Variants in CDIN1 observed in about 807,000 individuals in gnomAD.
The protein encoded by CDIN1 is CDAN1 interacting nuclease 1.
A neutral mutation model predicts 45.3 loss-of-function variants in CDIN1; 33 were observed. That is an observed-to-expected ratio of 0.73 (90% confidence interval 0.55 to 0.97). CDIN1 has a LOEUF of 0.97. CDIN1 is among the 50% of genes least tolerant of loss of function. The pLI is 0.00. For synonymous variants in CDIN1, 118 were observed against 124.4 expected (o/e 0.95, Z 0.34); for missense variants, 303 against 339.4 (o/e 0.89, Z 0.84).
chr15:36,772,077 G>A (rs1244086847), intron 10 of CDIN1, among the ~76,000 whole-genome samples: 4 of 152,136 alleles, frequency 2.6e-5, no homozygotes, highest in Admixed American at 6.5e-5. Flanking sequence ...GATCCTCTTT[G>A]GTTCTTCTTT....
intron 10 of CDIN1, among the ~76,000 whole-genome samples, chr15:36,766,379 A>G (rs986927195): frequency 6.6e-6 from 1 of 152,212 alleles, no homozygotes; most frequent in Non-Finnish European, 1.5e-5. Context: ...GAGTGCAGAT[A>G]TCTCTTCAAG....
intron 1 of CDIN1, chr15:36,617,073 C>T (rs2038930698): frequency 1.3e-6 from 1 of 781,342 alleles, no homozygotes; most frequent in Non-Finnish European, 2.4e-6. Flanking sequence ...AACGATTGGG[C>T]CGAGCAGAGG....
chr15:36,801,251 C>T (rs2055035686), intron 10 of CDIN1, among the ~76,000 whole-genome samples: 3 of 151,706 alleles, frequency 2.0e-5, no homozygotes, highest in Admixed American at 2.0e-4. Flanking sequence ...CAGCAGTTTC[C>T]GTGATTACAG....
At chr15:36,637,279 A>G (rs898940605) in intron 1 of CDIN1, among the ~76,000 whole-genome samples, 1 of 152,270 alleles carries the variant, frequency 6.6e-6, no homozygotes, top group Non-Finnish European at 1.5e-5. Flanking sequence ...GTAAAAGCCG[A>G]AACTATTAAT....
intron 7 of CDIN1, among the ~76,000 whole-genome samples, chr15:36,696,061 C>A (rs986461886): frequency 3.9e-5 from 6 of 152,074 alleles, no homozygotes; most frequent in Admixed American, 3.9e-4. Flanking sequence ...ATTTGCCACT[C>A]ATTAACTGTA....
At chr15:36,746,863 C>T (rs1156769914) in intron 10 of CDIN1, 2 of 378,676 alleles carry the variant, frequency 5.3e-6, no homozygotes, top group African/African-American at 2.1e-5. Flanking sequence ...GACCCTCCCA[C>T]CTCAGTCTCC....
At chr15:36,722,303 ATC>A (rs5811928) in intron 10 of CDIN1, among the ~76,000 whole-genome samples, 1,949 of 140,650 alleles carry the variant, frequency 0.014, 46 homozygotes, top group African/African-American at 0.045. Context: ...TTCTTTTGAG[ATC>A]TCTCTCTCTC....
intron 1 of CDIN1, among the ~76,000 whole-genome samples, chr15:36,630,466 C>T (rs1261578131): frequency 6.6e-6 from 1 of 152,102 alleles, no homozygotes; most frequent in African/African-American, 2.4e-5. Flanking sequence ...GAATTGAGAC[C>T]TACAAATATT....
intron 4 of CDIN1, among the ~76,000 whole-genome samples, chr15:36,656,493 TTC>T (rs2040788136): frequency 6.6e-6 from 1 of 152,170 alleles, no homozygotes; most frequent in South Asian, 2.1e-4. Flanking sequence ...AGTCATTCTG[TTC>T]TCTCCACACA....
intron 5 of CDIN1, among the ~76,000 whole-genome samples, chr15:36,685,590 A>G (rs997245226): frequency 6.6e-6 from 1 of 152,210 alleles, no homozygotes; most frequent in Non-Finnish European, 1.5e-5. Context: ...GCTTCTGTAC[A>G]GCAAAAGAAA....
intron 10 of CDIN1, among the ~76,000 whole-genome samples, chr15:36,779,678 T>C (rs2054302548): frequency 6.6e-6 from 1 of 152,224 alleles, no homozygotes; most frequent in Non-Finnish European, 1.5e-5. Context: ...CTGGAGTCTG[T>C]TGGACCTGAG....
chr15:36,606,797 A>C (rs1460338061), intron 1 of CDIN1, among the ~76,000 whole-genome samples: 1 of 152,080 alleles, frequency 6.6e-6, no homozygotes, highest in African/African-American at 2.4e-5. Flanking sequence ...GGTTATGTAA[A>C]TTTTATATTC....
intron 5 of CDIN1, among the ~76,000 whole-genome samples, chr15:36,685,944 AC>A (rs1174454130): frequency 6.6e-6 from 1 of 151,764 alleles, no homozygotes; most frequent in Non-Finnish European, 1.5e-5. Flanking sequence ...AAATAGGAAC[AC>A]TTTTACACTG....
intron 10 of CDIN1, among the ~76,000 whole-genome samples, chr15:36,712,467 T>A (rs918805789): frequency 9.9e-5 from 15 of 152,028 alleles, no homozygotes; most frequent in African/African-American, 3.6e-4. Flanking sequence ...GGTTTTACCA[T>A]GTTGGTCAGT....
chr15:36,709,908 T>G lies in CDIN1; in HGVS notation c.663T>G (p.Asp221Glu). 1 of 1,613,388 alleles carries G rather than the reference T, an allele frequency of 6.2e-7. No individual in the cohort carries two copies. ...TTGAAAGCAAAGCCTCATTTGGTGA[T>G]GAATGTAGCCACCACGCCTACCTGC... is the stretch of plus-strand genomic sequence containing the variant. ...HWIESKASFG[D>E]ECSHHAYLHD... is the part of the protein sequence containing the mutation. The change falls in exon 10 of 11, where the codon GAT becomes GAG. Residue 221 changes from aspartate to glutamate, a missense_variant. Physicochemically the swap from Asp to Glu is conservative, Grantham distance 45. Transcript: ENST00000566621.
intron 1 of CDIN1, among the ~76,000 whole-genome samples, chr15:36,614,494 C>A (rs2038793499): frequency 6.6e-6 from 1 of 152,190 alleles, no homozygotes; most frequent in Non-Finnish European, 1.5e-5. Flanking sequence ...TTGTAATTAC[C>A]TTTTTTGTTG....
intron 10 of CDIN1, among the ~76,000 whole-genome samples, chr15:36,793,198 C>T (rs2054693899): frequency 6.6e-6 from 1 of 152,176 alleles, no homozygotes; most frequent in Non-Finnish European, 1.5e-5. Context: ...CTTTCATACA[C>T]TCATCTTTTT....
intron 1 of CDIN1, among the ~76,000 whole-genome samples, chr15:36,596,914 ATAT>A (rs957761004): frequency 2.6e-5 from 4 of 152,244 alleles, no homozygotes; most frequent in Non-Finnish European, 5.9e-5. Context: ...TATTAAATGC[ATAT>A]TATTATAAAA....
At chr15:36,590,856 G>A (rs1378768241) in intron 1 of CDIN1, among the ~76,000 whole-genome samples, 1 of 152,184 alleles carries the variant, frequency 6.6e-6, no homozygotes, top group African/African-American at 2.4e-5. Context: ...GGTCTACTAA[G>A]CTTTGGGATG....
Sources: gnomAD v4.1 joint callset for allele counts (sites outside exome capture counted in the v4.1 genomes callset) on GRCh38, gnomAD v4.1.1 for gene constraint, MANE v1.5 for transcripts, NCBI Gene and HGNC (gene_info 2026-07-23, HGNC 2026-07-21) for gene names.